GRIN1: variants seen among roughly 807,000 people sequenced by gnomAD.
GRIN1 encodes the protein glutamate receptor ionotropic, NMDA 1.
In GRIN1, 38 loss-of-function variants were observed where a neutral mutation model predicts 103.0. That is an observed-to-expected ratio of 0.37 (90% CI 0.28 to 0.48). The LOEUF is 0.48. GRIN1 is among the 20% of genes least tolerant of loss of function. The probability of loss-of-function intolerance (pLI) is 0.98; values close to 1 mark genes in which losing one functional copy is unlikely to be tolerated. For synonymous variants in GRIN1, 544 were observed against 532.7 expected, an observed-to-expected ratio of 1.02 and a Z score of -0.29; for missense variants, 577 against 1,288.9, an observed-to-expected ratio of 0.45 and a Z score of 8.46.
chr9:137,141,849 G>A (rs538731943), intron 1 of GRIN1, among the ~76,000 whole-genome samples, 164 bp from the exon 2 acceptor site: 1 of 152,266 alleles, frequency 6.6e-6, no homozygotes, highest in South Asian at 2.1e-4. Flanking sequence ...CCTGCCCTGT[G>A]GGCATGTGTG....
chr9:137,144,270 G>A (rs561838619), intron 2 of GRIN1, among the ~76,000 whole-genome samples: 1 of 152,206 alleles, frequency 6.6e-6, no homozygotes, highest in South Asian at 2.1e-4. Context: ...GGAGAGGCCG[G>A]GGTGGGAGAG....
intron 8 of GRIN1, among the ~76,000 whole-genome samples, chr9:137,160,058 T>C (rs1185157706): frequency 6.6e-6 from 1 of 152,010 alleles, no homozygotes; most frequent in Non-Finnish European, 1.5e-5. Context: ...CCAGATCCCT[T>C]CCCCACCCCC....
intron 3 of GRIN1, chr9:137,148,340 G>C: frequency 1.5e-6 from 1 of 656,714 alleles, no homozygotes; most frequent in Non-Finnish European, 2.6e-6. Context: ...AGAGGCAGCC[G>C]GCAGCAGGCA....
At chr9:137,165,419 T>A in intron 19 of GRIN1, 123 bp downstream of exon 19, 1 of 726,700 alleles carries the variant, frequency 1.4e-6, no homozygotes, top group South Asian at 1.4e-5. Context: ...CCTGTCTCCC[T>A]GTGGCGGCCG....
chr9:137,148,044 C>T, intron 3 of GRIN1: 1 of 722,502 alleles, frequency 1.4e-6, no homozygotes, highest in Non-Finnish European at 2.3e-6. Flanking sequence ...AGGAGCCCGT[C>T]TGCAGACGTG....
intron 8 of GRIN1, among the ~76,000 whole-genome samples, chr9:137,159,824 G>A (rs1330475680): frequency 1.3e-5 from 2 of 152,178 alleles, no homozygotes; most frequent in African/African-American, 4.8e-5. Context: ...GGGTGGGCGG[G>A]CCTGCCCCCC....
In GRIN1 at chr9:137,162,589, A is replaced by T; in HGVS notation, c.1865-2A>T. The T allele has an allele frequency of 6.2e-7, 1 of 1,611,758 alleles. No homozygotes were observed. Among genetic ancestry groups the T allele is most frequent in the Non-Finnish European group, 8.5e-7 (1 of 1,179,586 alleles). On this transcript the variant is annotated splice_acceptor_variant, in intron 13 of 19. Coordinates refer to ENST00000371561, the MANE Select transcript of GRIN1 (RefSeq NM_007327.4). LOFTEE classifies it high-confidence loss of function. ...CTGACAGAGCCCCCCGCCCGCCCAC[A>T]GGCGCCCCCAGAAGCTTCTCAGCGC...
Position 137,144,259 on chromosome 9 carries a change from A to G in GRIN1, c.394-1467A>G, listed in dbSNP as rs146906583. Among the ~76,000 whole-genome samples the G allele has an allele frequency of 3.7e-3, 569 of 152,064 alleles. 6 individuals carry two copies. Among genetic ancestry groups the G allele is most frequent in the East Asian group, 0.03 (153 of 5,174 alleles). ...CTCCATTTCCGAGATTATATGTGGG[A>G]GGAGAGGCCGGGGTGGGAGAGAGGT... On this transcript the variant is annotated intron_variant, in intron 2 of 19. Coordinates refer to ENST00000371561, the MANE Select transcript of GRIN1 (RefSeq NM_007327.4).
At chr9:137,154,110 C>CTTTTTTTT (rs869310108) in intron 4 of GRIN1, among the ~76,000 whole-genome samples, 1 of 143,956 alleles carries the variant, frequency 6.9e-6, no homozygotes. Context: ...CCGTGCCTGC[C>CTTTTTTTT]TTTTTTTTTT....
intron 3 of GRIN1, 58 bp downstream of exon 3, chr9:137,145,960 C>A: frequency 7.7e-7 from 1 of 1,297,714 alleles, no homozygotes; most frequent in Non-Finnish European, 1.1e-6. Context: ...GACGGGCCGC[C>A]TTGTGTCTGT....
chr9:137,156,910 A>G lies in GRIN1; in HGVS notation c.841A>G (p.Ile281Val). The change falls in exon 6 of 20, where the codon ATC becomes GTC. Residue 281 changes from isoleucine (I) to valine (V), a missense_variant. Around this residue, in one of 9 missense-constraint regions of GRIN1, gnomAD observed 308 missense variants for 553.6 expected, o/e 0.56. Transcript: ENST00000371561. ...LINGKNESAH[I>V]SDAVGVVAQA... ...CAACGGCAAGAACGAGTCGGCCCAC[A>G]TCAGCGACGCCGTGGGCGTGGTGGC... 1 of 1,612,250 alleles carries G rather than the reference A, an allele frequency of 6.2e-7. No individual in the cohort carries two copies. The highest frequency in any genetic ancestry group is 8.5e-7 in the Non-Finnish European group (1 of 1,179,792).
In GRIN1 at chr9:137,162,414, CG is replaced by C. The variant is rs749548961; in HGVS notation, c.1764del (p.Phe589SerfsTer3). The C allele has an allele frequency of 6.2e-7, 1 of 1,606,094 alleles. No individual in the cohort carries two copies. The highest frequency in any genetic ancestry group is 8.5e-7 in the Non-Finnish European group (1 of 1,179,548). ...CTCTGCGCCCCGCAGCCCCTTCGGCCGGTTCAAGGTGAACAGCGAGGAGGAG... is the reference window on the plus strand; with the variant it reads ...CTCTGCGCCCCGCAGCCCCTTCGGCCGTTCAAGGTGAACAGCGAGGAGGAG... ...YLLDRFSPFG[R>X]FKVNSEEEEE... On this transcript the variant is annotated frameshift_variant, in exon 13 of 20. Transcript: ENST00000371561. LOFTEE classifies it high-confidence loss of function.
intron 4 of GRIN1, among the ~76,000 whole-genome samples, chr9:137,153,974 G>C (rs1453409138): frequency 6.6e-6 from 1 of 151,912 alleles, no homozygotes; most frequent in Admixed American, 6.6e-5. Context: ...ACCATGCCCG[G>C]CTAATTTTTG....
rs1051818927 is a variant in GRIN1, at chr9:137,146,618, G to A, written c.570+716G>A. Among the ~76,000 whole-genome samples the A allele has an allele frequency of 2.6e-5, 4 of 152,120 alleles. No individual in the cohort carries two copies. The highest frequency in any genetic ancestry group is 4.8e-5 in the African/African-American group (2 of 41,408). The stretch of plus-strand genomic sequence containing the variant: ...AGCTGGGATTTGGGGGGGTCCGAGC[G>A]ACCCCTTTCCCCTTCCTTACCACTC... On this transcript the variant is annotated intron_variant, in intron 3 of 19. Coordinates refer to ENST00000371561, the MANE Select transcript of GRIN1 (RefSeq NM_007327.4). The surrounding 1 kb of genome is among the most constrained non-coding windows in gnomAD (Gnocchi z 6.7).
intron 6 of GRIN1, among the ~76,000 whole-genome samples, 165 bp from the exon 7 acceptor site, chr9:137,158,214 C>G (rs1487944533): frequency 6.6e-6 from 1 of 152,202 alleles, no homozygotes; most frequent in Non-Finnish European, 1.5e-5. Context: ...TCTTTCCGTT[C>G]TTGGGACTGG....
In GRIN1 at chr9:137,146,987, T is replaced by C. The variant is rs1358208671; in HGVS notation, c.570+1085T>C. Reference sequence around the variant, plus strand: ...GCACCAAGGGCCCCACCCAAGACAGTGCCCCTCACCCCAGTGCCCGACAGG... The same window carrying C: ...GCACCAAGGGCCCCACCCAAGACAGCGCCCCTCACCCCAGTGCCCGACAGG... On this transcript the variant is annotated intron_variant, in intron 3 of 19. Coordinates refer to ENST00000371561, the MANE Select transcript of GRIN1 (RefSeq NM_007327.4). This position sits in a 1 kb window ranked among gnomAD's most constrained non-coding sequence, Gnocchi z 6.7. Among the ~76,000 whole-genome samples the C allele has an allele frequency of 1.3e-5, 1 of 77,388 alleles. No individual in the cohort carries two copies. The highest frequency in any genetic ancestry group is 2.6e-5 in the Non-Finnish European group (1 of 38,648). 50.8% of individuals were successfully genotyped at this position (77,388 alleles called of 152,430 possible).
chr9:137,155,835 G>A (rs1479432471), intron 4 of GRIN1, among the ~76,000 whole-genome samples: 1 of 152,262 alleles, frequency 6.6e-6, no homozygotes, highest in Non-Finnish European at 1.5e-5. Context: ...ATGCCTGCAA[G>A]GTGAGGCCTG....
At chr9:137,144,583 A>G (rs1832379493) in intron 2 of GRIN1, among the ~76,000 whole-genome samples, 1 of 150,770 alleles carries the variant, frequency 6.6e-6, no homozygotes, top group Non-Finnish European at 1.5e-5. Context: ...TGAACCCAGG[A>G]GGCGGAGCCT....
chr9:137,163,091 G>T, intron 15 of GRIN1, 78 bp from the exon 16 acceptor site: 1 of 1,581,068 alleles, frequency 6.3e-7, no homozygotes, highest in Admixed American at 1.8e-5. Context: ...CGTCCGGGCC[G>T]GGCACCCCGG....
Sources: gnomAD v4.1 joint callset for allele counts (sites outside exome capture counted in the v4.1 genomes callset) on GRCh38, gnomAD v4.1.1 for gene constraint, gnomAD v4.1.1 regional missense constraint, Gnocchi (gnomAD v3.1) non-coding constraint, MANE v1.5 for transcripts, NCBI Gene and HGNC (gene_info 2026-07-23, HGNC 2026-07-21) for gene names.